Variants in RASGRP3 observed in about 807,000 individuals in gnomAD.
The protein encoded by RASGRP3 is RAS guanyl releasing protein 3.
In RASGRP3, 54 loss-of-function variants were observed where a neutral mutation model predicts 82.7. The ratio of observed to expected loss-of-function variants is 0.65; its 90% CI spans 0.52 to 0.82. RASGRP3 has a LOEUF of 0.82. RASGRP3 is among the 40% of genes least tolerant of loss of function. RASGRP3 has a pLI of 0.00. For missense variants in RASGRP3, 861 were observed against 828.9 expected (o/e 1.04, Z -0.48); for synonymous variants, 309 against 300.5 (o/e 1.03, Z -0.29).
rs1286842400 is a variant in RASGRP3 at position 33,563,387 on chromosome 2, C to CAAG, written c.*651_*653dup. On this transcript the variant is annotated 3_prime_UTR_variant, in exon 18 of 18. Transcript: ENST00000403687. ...ACTACACAGTTGCTATGATATGTAA[C>CAAG]AAGTCACACATGTATATATCACACA... The CAAG allele has an allele frequency of 3.3e-5, 5 of 152,406 alleles. No individual in the cohort carries two copies. In the East Asian group the frequency reaches 9.7e-4, roughly 29 times the overall value. The allele number at this position is 152,406 out of a possible 1,614,324, so 9.4% of individuals were successfully genotyped here.
chr2:33,496,617 A>T (rs952995125), intron 1 of RASGRP3, among the ~76,000 whole-genome samples: 8 of 152,176 alleles, frequency 5.3e-5, no homozygotes, highest in African/African-American at 1.4e-4. Flanking sequence ...GCACTTTGGG[A>T]GGCTGAGGTG....
intron 9 of RASGRP3, among the ~76,000 whole-genome samples, chr2:33,524,878 T>C (rs955221394): frequency 6.6e-5 from 10 of 151,604 alleles, no homozygotes; most frequent in Admixed American, 6.6e-4. Context: ...AGGAGATCTA[T>C]ACCATCCTGG....
At chr2:33,468,227 T>C (rs922701547) in intron 2 of RASGRP3, among the ~76,000 whole-genome samples, 2 of 152,110 alleles carry the variant, frequency 1.3e-5, no homozygotes, top group Non-Finnish European at 2.9e-5. Flanking sequence ...AGGAAATATA[T>C]GTGACCCCCA....
intron 4 of RASGRP3, among the ~76,000 whole-genome samples, chr2:33,517,226 G>A (rs1356707163): frequency 6.6e-6 from 1 of 152,184 alleles, no homozygotes; most frequent in African/African-American, 2.4e-5. Context: ...CGTAATGAAG[G>A]CTTTTAGCAG....
intron 12 of RASGRP3, 53 bp downstream of exon 12, chr2:33,539,263 C>A: frequency 7.4e-7 from 1 of 1,347,514 alleles, no homozygotes; most frequent in South Asian, 1.3e-5. Flanking sequence ...CTTTCTCTTT[C>A]CAGAATGTTC....
At chr2:33,463,394 TAAAA>T (rs1029977196) in intron 2 of RASGRP3, among the ~76,000 whole-genome samples, 7 of 151,722 alleles carry the variant, frequency 4.6e-5, no homozygotes, top group African/African-American at 1.2e-4. Flanking sequence ...TGAAGTTTAA[TAAAA>T]AGAAAGAAAA....
chr2:33,468,366 C>T (rs755391694), intron 2 of RASGRP3, among the ~76,000 whole-genome samples: 1 of 151,738 alleles, frequency 6.6e-6, no homozygotes, highest in East Asian at 1.9e-4. Flanking sequence ...CTCACTTAAT[C>T]GATGCTGAAT....
chr2:33,480,145 C>G (rs928188327), intron 1 of RASGRP3, among the ~76,000 whole-genome samples: 2 of 151,022 alleles, frequency 1.3e-5, no homozygotes, highest in African/African-American at 4.9e-5. Context: ...AGGATTCACA[C>G]CATTCTCCTG....
At position 33,558,708 on chromosome 2, in the gene RASGRP3, C is replaced by G. The variant is rs377213456; in HGVS notation, c.1742C>G (p.Ala581Gly). 1.2e-6 allele frequency: 2 copies of G among 1,612,612 alleles called. No individual in the cohort carries two copies. Among genetic ancestry groups the G allele is most frequent in the Non-Finnish European group, 1.7e-6 (2 of 1,179,392 alleles). ...GTGTTTGAGTTCCCTGGAGTCACTG[C>G]TGGACACAGGGATTTAGACAGCAGA... The part of the protein sequence containing the change: ...DEVFEFPGVT[A>G]GHRDLDSRAI... Residue 581 changes from alanine to glycine, a missense_variant, in exon 17 of 18, where the codon GCT becomes GGT. Ala to Gly is a moderately conservative substitution (Grantham distance 60, BLOSUM62 0). Coordinates refer to ENST00000403687, the MANE Select transcript of RASGRP3 (RefSeq NM_001139488.2).
At chr2:33,470,380 AT>A (rs34404371) in intron 2 of RASGRP3, among the ~76,000 whole-genome samples, 29,867 of 131,860 alleles carry the variant, frequency 0.23, 3,007 homozygotes, top group East Asian at 0.41. Context: ...ATAACTAAGA[AT>A]TTTTTTTTTT....
At position 33,515,022 on chromosome 2, in the gene RASGRP3, G is replaced by GT. The variant is rs1671312417; in HGVS notation, c.-114dup. ...TCTTTTTTTTTAGAGTTTTCTTGAA[G>GT]TACAACTAAGGACAGGTCACCACTA... On this transcript the variant is annotated 5_prime_UTR_variant, in exon 3 of 18. The change abolishes the stop of an existing upstream ORF in the 5' untranslated region. Transcript: ENST00000403687. The GT allele has an allele frequency of 1.1e-6, 1 of 923,104 alleles. No individual in the cohort carries two copies. The highest frequency in any genetic ancestry group is 1.7e-6 in the Non-Finnish European group (1 of 571,844). The allele number at this position is 923,104 out of a possible 1,614,324, so 57.2% of individuals were successfully genotyped here.
chr2:33,545,835 C>T (rs997300031), intron 13 of RASGRP3, among the ~76,000 whole-genome samples: 1 of 152,038 alleles, frequency 6.6e-6, no homozygotes, highest in Non-Finnish European at 1.5e-5. Flanking sequence ...GACAGAGTCT[C>T]GTTCTTTTGC....
At chr2:33,500,890 C>T (rs1669808285) in intron 1 of RASGRP3, among the ~76,000 whole-genome samples, 1 of 152,110 alleles carries the variant, frequency 6.6e-6, no homozygotes, top group Non-Finnish European at 1.5e-5. Flanking sequence ...GCCAAGATCG[C>T]ACCACTGCAC....
At chr2:33,526,821 G>A (rs1042113762) in intron 9 of RASGRP3, among the ~76,000 whole-genome samples, 3 of 152,082 alleles carry the variant, frequency 2.0e-5, no homozygotes, top group South Asian at 2.1e-4. Flanking sequence ...TTGAATTTGC[G>A]GACAGTAATA....
intron 13 of RASGRP3, among the ~76,000 whole-genome samples, chr2:33,544,896 G>C (rs1167769135): frequency 6.6e-6 from 1 of 151,734 alleles, no homozygotes; most frequent in African/African-American, 2.4e-5. Flanking sequence ...GAAAAGTCTT[G>C]ACACATTAAC....
At chr2:33,449,500 G>A (rs151218099) in intron 2 of RASGRP3, among the ~76,000 whole-genome samples, 2 of 152,142 alleles carry the variant, frequency 1.3e-5, no homozygotes, top group Non-Finnish European at 2.9e-5. Flanking sequence ...GGTGGCTCAC[G>A]CCTGTAATCC....
At chr2:33,521,854 C>T (rs900149885) in intron 6 of RASGRP3, 101 bp from the exon 7 acceptor site, 1 of 1,405,262 alleles carries the variant, frequency 7.1e-7, no homozygotes, top group Non-Finnish European at 9.6e-7. Flanking sequence ...TTGCACAAGT[C>T]CCTGGAAGCA....
chr2:33,562,314 C>T (rs1055296171), intron 17 of RASGRP3, among the ~76,000 whole-genome samples: 1 of 148,114 alleles, frequency 6.8e-6, no homozygotes, highest in Non-Finnish European at 1.5e-5. Flanking sequence ...GTCCCCCTGG[C>T]AGGACTGCAG....
chr2:33,540,757 T>A (rs1022783005), intron 12 of RASGRP3, among the ~76,000 whole-genome samples: 4 of 145,670 alleles, frequency 2.7e-5, no homozygotes, highest in Non-Finnish European at 6.1e-5. Context: ...CAAAAAATCT[T>A]CTACTCGTGG....
Sources: allele counts gnomAD v4.1 joint callset (sites outside exome capture counted in the v4.1 genomes callset), GRCh38; gene constraint gnomAD v4.1.1; transcripts MANE v1.5; gene names NCBI Gene and HGNC (gene_info 2026-07-23, HGNC 2026-07-21).